Variants in CACUL1 observed in about 807,000 individuals in gnomAD.
CACUL1 encodes the protein CDK2 associated cullin domain 1.
CACUL1 carries 13 observed loss-of-function variants against 45.2 expected under a neutral mutation model. The observed-to-expected ratio is 0.29, with a 90% CI of 0.19 to 0.46. The LOEUF is 0.46. Ranked by LOEUF, CACUL1 falls within the 20% of genes least tolerant of loss-of-function variation. The probability of loss-of-function intolerance (pLI) is 1.00; values close to 1 mark genes in which losing one functional copy is unlikely to be tolerated. For missense variants in CACUL1, 421 were observed against 471.4 expected (o/e 0.89, Z 0.99); for synonymous variants, 197 against 174.2 (o/e 1.13, Z -1.03).
chr10:118,710,876 G>T (rs180836897), intron 3 of CACUL1, among the ~76,000 whole-genome samples: 16 of 152,190 alleles, frequency 1.1e-4, no homozygotes, highest in African/African-American at 3.6e-4. Context: ...ATGACATTAG[G>T]GAATTCATTT....
intron 7 of CACUL1, among the ~76,000 whole-genome samples, chr10:118,687,839 A>G (rs1166397184): frequency 6.6e-6 from 1 of 151,504 alleles, no homozygotes; most frequent in Non-Finnish European, 1.5e-5. Context: ...TTTTTTTTAC[A>G]TGTTTGTTGT....
At chr10:118,719,526 T>A (rs531973754) in intron 3 of CACUL1, among the ~76,000 whole-genome samples, 1 of 152,286 alleles carries the variant, frequency 6.6e-6, no homozygotes, top group South Asian at 2.1e-4. Flanking sequence ...AAATGGAATT[T>A]CTTGGCCGGA....
chr10:118,694,255 A>G (rs1845299397), intron 6 of CACUL1, among the ~76,000 whole-genome samples: 1 of 152,240 alleles, frequency 6.6e-6, no homozygotes, highest in South Asian at 2.1e-4. Flanking sequence ...CGTTTAATTA[A>G]GCAAACAAGC....
chr10:118,738,980 G>A (rs972085181), intron 1 of CACUL1, among the ~76,000 whole-genome samples: 2 of 147,786 alleles, frequency 1.4e-5, no homozygotes, highest in African/African-American at 2.5e-5. Flanking sequence ...GGCGGATCAC[G>A]AGGTCAGGAG....
intron 5 of CACUL1, among the ~76,000 whole-genome samples, chr10:118,697,732 A>C (rs977135877): frequency 6.6e-5 from 10 of 152,268 alleles, no homozygotes; most frequent in African/African-American, 9.6e-5. Flanking sequence ...AACTATTTAG[A>C]ACACTGTGCA....
Position 118,684,214 on chromosome 10 carries a change from A to G in CACUL1, c.*1914T>C, listed in dbSNP as rs908974381. Reference sequence around the variant, plus strand: ...TCTCTCCCAGAAAAAGCATTTGGGTATATTATTAGGATACTGAAGAATTTC... The same window carrying G: ...TCTCTCCCAGAAAAAGCATTTGGGTGTATTATTAGGATACTGAAGAATTTC... On this transcript the variant is annotated 3_prime_UTR_variant, in exon 9 of 9. Coordinates refer to ENST00000369151, the MANE Select transcript of CACUL1 (RefSeq NM_153810.5). 1 of 152,648 alleles carries G rather than the reference A, an allele frequency of 6.6e-6. No individual in the cohort carries two copies. Among genetic ancestry groups the G allele is most frequent in the African/African-American group, 2.4e-5 (1 of 41,460 alleles). 9.5% of individuals were successfully genotyped at this position (152,648 alleles called of 1,614,324 possible). A position where few individuals can be genotyped will look rare whatever the true frequency, so the allele number is the denominator to read the frequency against.
intron 1 of CACUL1, among the ~76,000 whole-genome samples, chr10:118,747,414 C>T (rs1020722632): frequency 6.6e-6 from 1 of 151,820 alleles, no homozygotes; most frequent in Admixed American, 6.6e-5. Context: ...TTGTATGAAA[C>T]CTTTACCCAC....
intron 2 of CACUL1, 62 bp from the exon 3 acceptor site, chr10:118,729,459 A>G (rs1212774319): frequency 8.8e-7 from 1 of 1,140,366 alleles, no homozygotes; most frequent in Non-Finnish European, 1.3e-6. Flanking sequence ...ACTCAGTCCA[A>G]GGTTAAAGCA....
At chr10:118,723,565 A>G (rs1845621774) in intron 3 of CACUL1, among the ~76,000 whole-genome samples, 1 of 152,146 alleles carries the variant, frequency 6.6e-6, no homozygotes, top group African/African-American at 2.4e-5. Flanking sequence ...CTGGTGATGA[A>G]TTCTCCCAAT....
At chr10:118,697,862 C>T (rs948571570) in intron 5 of CACUL1, among the ~76,000 whole-genome samples, 5 of 152,160 alleles carry the variant, frequency 3.3e-5, no homozygotes, top group South Asian at 4.1e-4. Context: ...CACCAACATA[C>T]GACGTAAATA....
At chr10:118,723,285 A>C (rs1022291043) in intron 3 of CACUL1, among the ~76,000 whole-genome samples, 1 of 151,890 alleles carries the variant, frequency 6.6e-6, no homozygotes, top group Non-Finnish European at 1.5e-5. Context: ...TCCTTGTCAC[A>C]TTATAGTTGA....
rs1384496108 is a variant in CACUL1 at position 118,677,952 on chromosome 10, C to G, written c.*8176G>C. On this transcript the variant is annotated 3_prime_UTR_variant, in exon 9 of 9. Transcript: ENST00000369151. ...GTAGAAGTGCAGATTTACACGCCAA[C>G]AACAGGTGAAGGTTTGTTGTCATAA... is the stretch of plus-strand genomic sequence containing the variant. The G allele has an allele frequency of 6.6e-6, 1 of 152,192 alleles. No individual in the cohort carries two copies. The highest frequency in any genetic ancestry group is 1.5e-5 in the Non-Finnish European group (1 of 68,038). The allele number at this position is 152,192 out of a possible 1,614,324, so 9.4% of individuals were successfully genotyped here.
intron 5 of CACUL1, among the ~76,000 whole-genome samples, chr10:118,696,198 A>G (rs1238324698): frequency 6.6e-6 from 1 of 152,224 alleles, no homozygotes; most frequent in Non-Finnish European, 1.5e-5. Flanking sequence ...ATCAGTAGAT[A>G]GTTACAATTT....
chr10:118,754,922 C>A lies in CACUL1; in HGVS notation c.-160G>T. On this transcript the variant is annotated 5_prime_UTR_variant, in exon 1 of 9. Transcript: ENST00000369151. The stretch of plus-strand genomic sequence containing the variant: ...GCAGGGTCTCTCGCTCTCCGCGGGG[C>A]CGACTAGCTTGAAGACGCGGCTGAC... 2.0e-6 allele frequency: 2 copies of A among 1,020,348 alleles called. No individual in the cohort carries two copies. The allele number at this position is 1,020,348 out of a possible 1,614,324, so 63.2% of individuals were successfully genotyped here. A position where few individuals can be genotyped will look rare whatever the true frequency, so the allele number is the denominator to read the frequency against.
rs745489103 is a variant in CACUL1, at chr10:118,697,865, CG to C, written c.797-2636del. Among the ~76,000 whole-genome samples the C allele has an allele frequency of 7.2e-4, 110 of 152,156 alleles. 1 individual carries two copies. The highest frequency in any genetic ancestry group is 1.3e-3 in the Non-Finnish European group (86 of 68,020). ...TTTGCTCAGAATCACCAACATACGACGTAAATACTTTAACAATAGAGCCTAG... is the reference window on the plus strand; with the variant it reads ...TTTGCTCAGAATCACCAACATACGACTAAATACTTTAACAATAGAGCCTAG... On this transcript the variant is annotated intron_variant, in intron 5 of 8. Coordinates refer to ENST00000369151, the MANE Select transcript of CACUL1 (RefSeq NM_153810.5).
intron 3 of CACUL1, 129 bp from the exon 4 acceptor site, chr10:118,707,716 A>T: frequency 1.9e-6 from 1 of 526,906 alleles, no homozygotes; most frequent in Middle Eastern, 4.5e-4. Context: ...AAAAAAAAAA[A>T]GGAAGACACG....
At chr10:118,726,677 G>A (rs73423972) in intron 3 of CACUL1, among the ~76,000 whole-genome samples, 7,259 of 152,024 alleles carry the variant, frequency 0.048, 562 homozygotes, top group African/African-American at 0.16. Flanking sequence ...GGAAGCAGAA[G>A]AAAAAATACC....
chr10:118,714,232 C>T (rs538382998), intron 3 of CACUL1, among the ~76,000 whole-genome samples: 63 of 152,232 alleles, frequency 4.1e-4, no homozygotes, highest in African/African-American at 1.4e-3. Flanking sequence ...TTAAAAACCA[C>T]GGGTCTATCT....
Position 118,686,059 on chromosome 10 carries a change from C to T in CACUL1, c.*69G>A, listed in dbSNP as rs1429570681. 2 of 1,204,874 alleles carry T rather than the reference C, an allele frequency of 1.7e-6. No homozygotes were observed. Among genetic ancestry groups the T allele is most frequent in the Admixed American group, 1.7e-5 (1 of 58,650 alleles). 74.6% of individuals were successfully genotyped at this position (1,204,874 alleles called of 1,614,324 possible). The stretch of plus-strand genomic sequence containing the variant: ...CTGAGTGTGTGCAGCCCCCACTGTG[C>T]TCTGAATACAGTCTCTGCAGCTCCA... On this transcript the variant is annotated 3_prime_UTR_variant, in exon 9 of 9. Coordinates refer to ENST00000369151, the MANE Select transcript of CACUL1 (RefSeq NM_153810.5).
Sources: gnomAD v4.1 joint callset for allele counts (sites outside exome capture counted in the v4.1 genomes callset) on GRCh38, gnomAD v4.1.1 for gene constraint, MANE v1.5 for transcripts, NCBI Gene and HGNC (gene_info 2026-07-23, HGNC 2026-07-21) for gene names.